Variants in COL24A1 observed in about 807,000 individuals in gnomAD.
The protein encoded by COL24A1 is collagen type XXIV alpha 1 chain.
COL24A1 carries 224 observed loss-of-function variants against 253.9 expected under a neutral mutation model. The observed-to-expected ratio is 0.88, with a 90% CI of 0.79 to 0.99. The LOEUF (loss-of-function observed/expected upper bound fraction) is 0.99, where lower values mean the gene tolerates loss of function less well. Among genes scored for constraint, COL24A1 ranks in the 50% least tolerant of loss-of-function variants. The pLI, the probability that COL24A1 is intolerant of heterozygous loss-of-function variation, is 0.00. For synonymous variants in COL24A1, 685 were observed against 673.7 expected (o/e 1.02, Z -0.26); for missense variants, 2,131 against 2,068.5 (o/e 1.03, Z -0.59).
Position 85,896,514 on chromosome 1 carries a change from G to C in COL24A1, c.2779-105C>G, listed in dbSNP as rs1001121861. On this transcript the variant is annotated intron_variant, in intron 28 of 59. Transcript: ENST00000370571. ...AACATGTTGATGATTTTTTTTTTTT[G>C]AGACGGAGTCTCACTCTGTCGCCCA... 6.4e-6 allele frequency: 5 copies of C among 782,694 alleles called. No homozygotes were observed. In the African/African-American group the frequency reaches 6.4e-5, roughly 10 times the overall value. 48.5% of individuals were successfully genotyped at this position (782,694 alleles called of 1,614,324 possible).
chr1:86,035,878 T>A (rs535436364), intron 12 of COL24A1, among the ~76,000 whole-genome samples: 116 of 152,220 alleles, frequency 7.6e-4, no homozygotes, highest in African/African-American at 2.5e-3. Context: ...GAAACTGTTC[T>A]CTGGCTCACC....
At chr1:85,906,098 C>T (rs17128473) in intron 28 of COL24A1, among the ~76,000 whole-genome samples, 5,648 of 151,486 alleles carry the variant, frequency 0.037, 168 homozygotes, top group African/African-American at 0.076. Flanking sequence ...AAATCTGTAA[C>T]CCAGGAAGGA....
intron 55 of COL24A1, among the ~76,000 whole-genome samples, chr1:85,748,521 A>C (rs979776038): frequency 5.3e-5 from 8 of 151,902 alleles, no homozygotes; most frequent in Middle Eastern, 3.2e-3. Flanking sequence ...TAAAGGACAG[A>C]GGGAGGAGCC....
At chr1:86,104,545 GGTTT>G (rs1704762680) in intron 5 of COL24A1, among the ~76,000 whole-genome samples, 3 of 152,046 alleles carry the variant, frequency 2.0e-5, no homozygotes, top group South Asian at 4.1e-4. Context: ...TCCTTTGAAT[GGTTT>G]GTTTTTCTTT....
chr1:85,890,251 G>A (rs1420350806), intron 31 of COL24A1, among the ~76,000 whole-genome samples: 2 of 152,010 alleles, frequency 1.3e-5, no homozygotes, highest in Admixed American at 6.6e-5. Context: ...AATTATTTGG[G>A]TATCTACCTA....
chr1:86,105,356 G>A (rs1299697506), intron 5 of COL24A1, among the ~76,000 whole-genome samples: 1 of 152,194 alleles, frequency 6.6e-6, no homozygotes, highest in African/African-American at 2.4e-5. Flanking sequence ...GGATGCTGCA[G>A]TGAGGGAAGG....
intron 26 of COL24A1, among the ~76,000 whole-genome samples, chr1:85,909,457 C>T (rs1277111066): frequency 7.9e-5 from 12 of 151,666 alleles, no homozygotes; most frequent in African/African-American, 2.4e-5. Flanking sequence ...AATTTGTCAG[C>T]TATTTCCTAT....
chr1:86,001,443 G>A (rs561411317), intron 19 of COL24A1, among the ~76,000 whole-genome samples: 1 of 152,314 alleles, frequency 6.6e-6, no homozygotes, highest in African/African-American at 2.4e-5. Flanking sequence ...GCATGGTATG[G>A]TTAAGTTGAG....
chr1:86,059,381 GAT>G (rs1700905468), intron 8 of COL24A1, among the ~76,000 whole-genome samples: 1 of 152,092 alleles, frequency 6.6e-6, no homozygotes, highest in African/African-American at 2.4e-5. Flanking sequence ...GGCCCTAAAT[GAT>G]ATATGATCAT....
intron 32 of COL24A1, among the ~76,000 whole-genome samples, chr1:85,879,819 C>T (rs143929360): frequency 9.2e-5 from 14 of 152,102 alleles, no homozygotes; most frequent in African/African-American, 2.2e-4. Flanking sequence ...TCAGGGGTAG[C>T]GGAGGTGAAA....
intron 31 of COL24A1, among the ~76,000 whole-genome samples, chr1:85,890,988 G>A (rs1467619322): frequency 1.3e-5 from 2 of 152,006 alleles, no homozygotes; most frequent in Non-Finnish European, 2.9e-5. Flanking sequence ...CATTTACTGT[G>A]TGCGAGGCAC....
intron 5 of COL24A1, among the ~76,000 whole-genome samples, chr1:86,094,195 T>C (rs181184533): frequency 1.3e-5 from 2 of 152,264 alleles, no homozygotes; most frequent in Admixed American, 1.3e-4. Flanking sequence ...CATGCATATG[T>C]TCATTGCAGC....
chr1:85,974,801 T>G (rs1692501102), intron 20 of COL24A1, among the ~76,000 whole-genome samples: 1 of 151,904 alleles, frequency 6.6e-6, no homozygotes, highest in East Asian at 1.9e-4. Context: ...GAGTGCAGAT[T>G]TGAAATCCAG....
chr1:85,780,186 T>A (rs2101539791), intron 52 of COL24A1, among the ~76,000 whole-genome samples: 1 of 152,284 alleles, frequency 6.6e-6, no homozygotes, highest in African/African-American at 2.4e-5. Flanking sequence ...TTTTACTTCT[T>A]TTGTTTACAT....
At chr1:85,947,275 A>G (rs1689417984) in intron 24 of COL24A1, among the ~76,000 whole-genome samples, 1 of 152,224 alleles carries the variant, frequency 6.6e-6, no homozygotes, top group South Asian at 2.1e-4. Context: ...TCCAAGACTT[A>G]TTCACTAAAT....
intron 53 of COL24A1, among the ~76,000 whole-genome samples, chr1:85,767,718 A>G (rs1321634644): frequency 6.6e-6 from 1 of 151,872 alleles, no homozygotes; most frequent in Non-Finnish European, 1.5e-5. Context: ...TCCCTTGGGT[A>G]CTGGAAGTTT....
At chr1:85,883,355 G>A (rs1398979445) in intron 32 of COL24A1, among the ~76,000 whole-genome samples, 1 of 151,748 alleles carries the variant, frequency 6.6e-6, no homozygotes, top group African/African-American at 2.4e-5. Flanking sequence ...GAGTAGCTGG[G>A]ACTACAGGAG....
intron 7 of COL24A1, among the ~76,000 whole-genome samples, chr1:86,078,540 G>C (rs1332891512): frequency 6.6e-6 from 1 of 152,092 alleles, no homozygotes; most frequent in Non-Finnish European, 1.5e-5. Flanking sequence ...ATGATATGAA[G>C]TTATAGCTGG....
At chr1:85,969,927 A>C (rs1304666188) in intron 22 of COL24A1, among the ~76,000 whole-genome samples, 3 of 152,150 alleles carry the variant, frequency 2.0e-5, no homozygotes, top group African/African-American at 7.2e-5. Flanking sequence ...GAATATTACT[A>C]AAATGGCTAA....
Sources: allele counts gnomAD v4.1 joint callset (sites outside exome capture counted in the v4.1 genomes callset), GRCh38; gene constraint gnomAD v4.1.1; transcripts MANE v1.5; gene names NCBI Gene and HGNC (gene_info 2026-07-23, HGNC 2026-07-21).